The following DYNC2H1 variants were observed in gnomAD, a reference collection of about 807,000 sequenced individuals.
DYNC2H1 encodes the protein dynein cytoplasmic 2 heavy chain 1.
A neutral mutation model predicts 570.0 loss-of-function variants in DYNC2H1; 410 were observed. That is an observed-to-expected ratio of 0.72 (90% confidence interval 0.66 to 0.78). The LOEUF (loss-of-function observed/expected upper bound fraction) is 0.78, where lower values mean the gene tolerates loss of function less well. Among genes scored for constraint, DYNC2H1 ranks in the 30% least tolerant of loss-of-function variants. The pLI is 0.00. For missense variants in DYNC2H1, 4,865 were observed against 5,046.4 expected, an observed-to-expected ratio of 0.96 and a Z score of 1.09; for synonymous variants, 1,688 against 1,677.6, an observed-to-expected ratio of 1.01 and a Z score of -0.15.
chr11:103,409,185 C>A (rs1403431426), intron 84 of DYNC2H1, among the ~76,000 whole-genome samples: 2 of 151,954 alleles, frequency 1.3e-5, no homozygotes, highest in East Asian at 1.9e-4. Flanking sequence ...CTTTTTGTAA[C>A]CTTTCCTTCA....
At chr11:103,290,980 TGGAATTA>T (rs1177496880) in intron 75 of DYNC2H1, among the ~76,000 whole-genome samples, 1 of 152,306 alleles carries the variant, frequency 6.6e-6, no homozygotes, top group Middle Eastern at 3.4e-3. Flanking sequence ...CAGAAATATG[TGGAATTA>T]CATTTCTCCA....
In DYNC2H1 at chr11:103,199,188, G is replaced by T. The variant is rs1207082028; in HGVS notation, c.7840-40G>T. On this transcript the variant is annotated intron_variant, in intron 48 of 88. Transcript: ENST00000375735. The surrounding 1 kb of genome is among the most constrained non-coding windows in gnomAD (Gnocchi z 4.6). ...AGTAACATTTTTATTATGTAATTAGGGCTTATATTAATTATAAAATATTCT... is the reference window on the plus strand; with the variant it reads ...AGTAACATTTTTATTATGTAATTAGTGCTTATATTAATTATAAAATATTCT... 1 of 1,355,178 alleles carries T rather than the reference G, an allele frequency of 7.4e-7. No homozygotes were observed. Among genetic ancestry groups the T allele is most frequent in the Admixed American group, 2.2e-5 (1 of 45,966 alleles). 83.9% of individuals were successfully genotyped at this position (1,355,178 alleles called of 1,614,324 possible).
intron 6 of DYNC2H1, 46 bp downstream of exon 6, chr11:103,117,909 A>T: frequency 6.9e-7 from 1 of 1,458,846 alleles, no homozygotes; most frequent in Non-Finnish European, 9.3e-7. Flanking sequence ...TGTAAAGTGT[A>T]TCTTCACTTG....
chr11:103,281,242 T>G (rs1866117194), intron 71 of DYNC2H1, among the ~76,000 whole-genome samples: 1 of 152,088 alleles, frequency 6.6e-6, no homozygotes, highest in South Asian at 2.1e-4. Flanking sequence ...TGCACTGACA[T>G]GTATAGTTTC....
At chr11:103,354,691 T>C (rs1009736765) in intron 82 of DYNC2H1, among the ~76,000 whole-genome samples, 6 of 152,142 alleles carry the variant, frequency 3.9e-5, no homozygotes, top group Admixed American at 3.3e-4. Flanking sequence ...ATAATTTTGC[T>C]AAATTTATAA....
intron 29 of DYNC2H1, among the ~76,000 whole-genome samples, chr11:103,162,374 A>G (rs1236976683): frequency 6.6e-6 from 1 of 152,192 alleles, no homozygotes; most frequent in East Asian, 1.9e-4. Context: ...TACAAATGAT[A>G]TATTTTTAAG....
chr11:103,270,555 A>G (rs553727943), intron 70 of DYNC2H1, among the ~76,000 whole-genome samples: 89 of 151,644 alleles, frequency 5.9e-4, no homozygotes, highest in African/African-American at 2.1e-3. Flanking sequence ...ATATATAGTG[A>G]TGAAAATTAT....
Position 103,157,860 on chromosome 11 carries a change from T to C in DYNC2H1, c.4128-817T>C, listed in dbSNP as rs1430391682. 2.0e-5 allele frequency among the ~76,000 whole-genome samples: 3 copies of C among 152,176 alleles called. No homozygotes were observed. The highest frequency in any genetic ancestry group is 7.2e-5 in the African/African-American group (3 of 41,452). ...TATCCTTTTCTTGTGCTGCTCTCCA[T>C]TTTGCTTTAGTGACTCTAGCTTTTA... On this transcript the variant is annotated intron_variant, in intron 26 of 88. Transcript: ENST00000375735. This position sits in a 1 kb window ranked among gnomAD's most constrained non-coding sequence, Gnocchi z 4.2.
Position 103,174,052 on chromosome 11 carries a change from C to T in DYNC2H1, c.5559-3C>T. The T allele has an allele frequency of 6.4e-7, 1 of 1,572,234 alleles. No homozygotes were observed. The highest frequency in any genetic ancestry group is 1.3e-5 in the African/African-American group (1 of 74,170). On this transcript the variant is annotated splice_region_variant and splice_polypyrimidine_tract_variant and intron_variant, in intron 35 of 88. Transcript: ENST00000375735. ...TGTGTTGATTTCCATGTCTCTATTT[C>T]AGGGAACTTTTGACACCTCAGCAAC...
intron 82 of DYNC2H1, among the ~76,000 whole-genome samples, chr11:103,357,318 A>C (rs897759955): frequency 3.3e-5 from 5 of 152,132 alleles, no homozygotes; most frequent in African/African-American, 9.6e-5. Flanking sequence ...GAAAGCCCTA[A>C]ATAGGGAATA....
intron 84 of DYNC2H1, among the ~76,000 whole-genome samples, chr11:103,416,823 TATC>T (rs1943301142): frequency 6.6e-6 from 1 of 152,030 alleles, no homozygotes; most frequent in Admixed American, 6.6e-5. Flanking sequence ...CAAAAGAAAC[TATC>T]ATCAGAGTGA....
intron 75 of DYNC2H1, among the ~76,000 whole-genome samples, chr11:103,290,654 C>A (rs1167858751): frequency 6.6e-6 from 1 of 152,136 alleles, no homozygotes; most frequent in Non-Finnish European, 1.5e-5. Context: ...CTCAATCTTG[C>A]AGTTTGTCTC....
In DYNC2H1 at chr11:103,311,588, G is replaced by GA. The variant is rs78086161; in HGVS notation, c.11494-280dup. Among the ~76,000 whole-genome samples the GA allele has an allele frequency of 3.5e-4, 53 of 149,728 alleles. 1 individual carries two copies. The highest frequency in any genetic ancestry group is 2.5e-3 in the South Asian group (12 of 4,718). ...TTAAGTAGTGATTTAGTGTCAGTGG[G>GA]AAAAAAAAAACCTCTCAATCATCCT... On this transcript the variant is annotated intron_variant, in intron 78 of 88. Transcript: ENST00000375735.
At chr11:103,121,631 T>C (rs1858717936) in intron 10 of DYNC2H1, 135 bp downstream of exon 10, 3 of 963,372 alleles carry the variant, frequency 3.1e-6, no homozygotes, top group East Asian at 2.7e-5. Context: ...TCATACAAAA[T>C]GCAGAACACT....
At chr11:103,168,401 G>C (rs1377885925) in intron 31 of DYNC2H1, among the ~76,000 whole-genome samples, 1 of 152,164 alleles carries the variant, frequency 6.6e-6, no homozygotes, top group African/African-American at 2.4e-5. Flanking sequence ...CAACCTGCCT[G>C]CTACTCTTTT....
intron 75 of DYNC2H1, among the ~76,000 whole-genome samples, chr11:103,302,533 A>G (rs796905461): frequency 4.6e-5 from 7 of 152,218 alleles, no homozygotes; most frequent in African/African-American, 1.4e-4. Flanking sequence ...TAAATGAAGC[A>G]TTCTTTTCAC....
At position 103,241,608 on chromosome 11, in the gene DYNC2H1, T is replaced by C; in HGVS notation, c.9820-2085T>C. 7.3e-7 allele frequency: 1 copy of C among 1,375,112 alleles called. No homozygotes were observed. The highest frequency in any genetic ancestry group is 1.0e-6 in the Non-Finnish European group (1 of 990,610). The allele number at this position is 1,375,112 out of a possible 1,614,324, so 85.2% of individuals were successfully genotyped here. ...TGTAGTTAGGCAAAATGCAGAATTG[T>C]GAAATGTGTGCTATTGAATGCTAGC... On this transcript the variant is annotated intron_variant, in intron 63 of 88. Coordinates refer to ENST00000375735, the MANE Select transcript of DYNC2H1 (RefSeq NM_001377.3). The surrounding 1 kb of genome is among the most constrained non-coding windows in gnomAD (Gnocchi z 5.1).
At chr11:103,158,649 T>C in intron 26 of DYNC2H1, 28 bp from the exon 27 acceptor site, 1 of 1,504,328 alleles carries the variant, frequency 6.6e-7, no homozygotes, top group African/African-American at 1.4e-5. Flanking sequence ...TTAAAGTAGA[T>C]GTGAAGATAC....
In DYNC2H1 at chr11:103,133,609, G is replaced by A. The variant is rs750682546; in HGVS notation, c.2008G>A (p.Glu670Lys). ...ACAGATAACTTGGGATAATCCTAAAGAATTAGAAGGCTATATCCAAAAACT... is the reference window on the plus strand; with the variant it reads ...ACAGATAACTTGGGATAATCCTAAAAAATTAGAAGGCTATATCCAAAAACT... The part of the protein sequence containing the change: ...KSQITWDNPK[E>K]LEGYIQKLQN... Residue 670 changes from glutamate (E) to lysine (K), a missense_variant, in exon 14 of 89, where the codon GAA (glutamate) becomes AAA (lysine). Physicochemically the swap from Glu to Lys is moderately conservative, Grantham distance 56. This residue lies in a region of DYNC2H1 where 1,936 missense variants were observed against 1,962.1 expected (regional missense o/e 0.99). Transcript: ENST00000375735. This position sits in a 1 kb window ranked among gnomAD's most constrained non-coding sequence, Gnocchi z 4.8. 3.1e-6 allele frequency: 5 copies of A among 1,611,890 alleles called. No individual in the cohort carries two copies. Among genetic ancestry groups the A allele is most frequent in the East Asian group, 4.5e-5 (2 of 44,798 alleles).
Sources: allele counts gnomAD v4.1 joint callset (sites outside exome capture counted in the v4.1 genomes callset), GRCh38; gene constraint gnomAD v4.1.1; regional missense constraint gnomAD v4.1.1; non-coding constraint Gnocchi (gnomAD v3.1); transcripts MANE v1.5; gene names NCBI Gene and HGNC (gene_info 2026-07-23, HGNC 2026-07-21).